DGCR2: variants seen among roughly 807,000 people sequenced by gnomAD.
DGCR2 encodes integral membrane protein DGCR2/IDD.
In DGCR2, 24 loss-of-function variants were observed where a neutral mutation model predicts 51.6. The ratio of observed to expected loss-of-function variants is 0.47; its 90% CI spans 0.34 to 0.65. DGCR2 has a LOEUF of 0.65. DGCR2 is among the 30% of genes least tolerant of loss of function. The probability of loss-of-function intolerance (pLI) is 0.01; values close to 1 mark genes in which losing one functional copy is unlikely to be tolerated. For synonymous variants in DGCR2, 340 were observed against 315.4 expected, an observed-to-expected ratio of 1.08 and a Z score of -0.82; for missense variants, 765 against 772.1, an observed-to-expected ratio of 0.99 and a Z score of 0.11.
At chr22:19,092,286 G>GCAA (rs2083087166) in intron 1 of DGCR2, among the ~76,000 whole-genome samples, 1 of 151,840 alleles carries the variant, frequency 6.6e-6, no homozygotes, top group South Asian at 2.1e-4. Flanking sequence ...AGAGGTTACA[G>GCAA]GAAGCCAAGA....
At chr22:19,081,309 T>C (rs974866842) in intron 2 of DGCR2, among the ~76,000 whole-genome samples, 4 of 152,254 alleles carry the variant, frequency 2.6e-5, no homozygotes, top group East Asian at 1.9e-4. Context: ...TAGAATTTTG[T>C]GTATCACTGC....
chr22:19,060,832 A>C (rs761287111), intron 5 of DGCR2: 5 of 511,620 alleles, frequency 9.8e-6, no homozygotes, highest in East Asian at 1.1e-4. Context: ...GCGCCTGGAG[A>C]GCGCTCCACC....
chr22:19,057,253 C>T lies in DGCR2; in HGVS notation c.626-91G>A. On this transcript the variant is annotated intron_variant, in intron 5 of 9. Transcript: ENST00000263196. This position sits in a 1 kb window ranked among gnomAD's most constrained non-coding sequence, Gnocchi z 5.1. The stretch of plus-strand genomic sequence containing the variant: ...AGGGGACCATGGCGTCAGACAGGAT[C>T]ATCAACCACAGGGCCTGGACCGCCA... 1 of 1,355,232 alleles carries T rather than the reference C, an allele frequency of 7.4e-7. No homozygotes were observed. The allele number at this position is 1,355,232 out of a possible 1,614,324, so 84.0% of individuals were successfully genotyped here.
chr22:19,096,520 T>A (rs758815995), intron 1 of DGCR2, among the ~76,000 whole-genome samples: 1 of 152,172 alleles, frequency 6.6e-6, no homozygotes, highest in African/African-American at 2.4e-5. Flanking sequence ...TACCATGATT[T>A]GATCATTACA....
intron 1 of DGCR2, among the ~76,000 whole-genome samples, chr22:19,114,151 GGA>G (rs1569091516): frequency 2.7e-5 from 3 of 113,072 alleles, no homozygotes; most frequent in South Asian, 5.0e-4. Context: ...TGTTACCAAA[GGA>G]AAAAAAAAAA....
At chr22:19,089,605 A>C in intron 1 of DGCR2, 115 bp from the exon 2 acceptor site, 2 of 1,204,244 alleles carry the variant, frequency 1.7e-6, no homozygotes, top group Non-Finnish European at 2.2e-6. Flanking sequence ...TTTGAGACAG[A>C]GTCTCATTCT....
intron 6 of DGCR2, among the ~76,000 whole-genome samples, chr22:19,049,928 T>C (rs111908241): frequency 0.038 from 5,561 of 147,444 alleles, 301 homozygotes; most frequent in African/African-American, 0.13. Flanking sequence ...CTGGCTAAAA[T>C]AGAGAAAAAA....
intron 6 of DGCR2, among the ~76,000 whole-genome samples, chr22:19,049,551 G>A (rs2082526587): frequency 6.6e-6 from 1 of 152,170 alleles, no homozygotes; most frequent in Non-Finnish European, 1.5e-5. Flanking sequence ...AGTCAGCTGG[G>A]CGCGGTGGCT....
At chr22:19,055,340 A>G (rs2082589789) in intron 6 of DGCR2, among the ~76,000 whole-genome samples, 1 of 152,146 alleles carries the variant, frequency 6.6e-6, no homozygotes, top group African/African-American at 2.4e-5. Flanking sequence ...ATTCCCAGCA[A>G]CCTAGGAATA....
At chr22:19,055,718 C>G (rs1279182555) in intron 6 of DGCR2, 1 of 152,212 alleles carries the variant, frequency 6.6e-6, no homozygotes, top group African/African-American at 2.4e-5. Flanking sequence ...AAGAACAAGG[C>G]AGAGGAAGTC....
intron 1 of DGCR2, among the ~76,000 whole-genome samples, chr22:19,105,077 C>A (rs1417635020): frequency 1.3e-5 from 2 of 152,194 alleles, no homozygotes; most frequent in Non-Finnish European, 2.9e-5. Context: ...AATCCCAGCA[C>A]TTTGAGAGGC....
intron 1 of DGCR2, among the ~76,000 whole-genome samples, chr22:19,116,394 G>A (rs984446868): frequency 6.6e-6 from 1 of 152,214 alleles, no homozygotes. Context: ...GACTGGCTTT[G>A]ACTAAACTTC....
At chr22:19,115,618 C>T (rs2083365491) in intron 1 of DGCR2, among the ~76,000 whole-genome samples, 2 of 152,222 alleles carry the variant, frequency 1.3e-5, no homozygotes, top group Admixed American at 1.3e-4. Context: ...TGCATTTGTT[C>T]AATAACTGAT....
chr22:19,078,342 T>C (rs147751803), intron 2 of DGCR2, among the ~76,000 whole-genome samples: 185 of 152,290 alleles, frequency 1.2e-3, no homozygotes, highest in African/African-American at 4.1e-3. Flanking sequence ...ATGGAATTAT[T>C]TTCTTAATTT....
intron 5 of DGCR2, among the ~76,000 whole-genome samples, chr22:19,058,134 C>T (rs1453220303): frequency 6.6e-6 from 1 of 152,200 alleles, no homozygotes; most frequent in Non-Finnish European, 1.5e-5. Context: ...ATACCCAGCA[C>T]GAAACATGGG....
chr22:19,115,660 C>G (rs184697666), intron 1 of DGCR2, among the ~76,000 whole-genome samples: 29 of 152,268 alleles, frequency 1.9e-4, no homozygotes, highest in Non-Finnish European at 3.2e-4. Context: ...CTGACCAGGC[C>G]CAGGTGACAG....
At chr22:19,049,336 CAG>C (rs545646190) in intron 6 of DGCR2, among the ~76,000 whole-genome samples, 98 of 152,206 alleles carry the variant, frequency 6.4e-4, no homozygotes, top group African/African-American at 2.2e-3. Context: ...GCTAAAAACC[CAG>C]AGTCTTCAAC....
intron 7 of DGCR2, chr22:19,045,398 T>C (rs1365459829): frequency 6.6e-6 from 1 of 152,240 alleles, no homozygotes; most frequent in Middle Eastern, 3.2e-3. Context: ...CACCTGATTA[T>C]ACGTAGTGTG....
intron 5 of DGCR2, among the ~76,000 whole-genome samples, chr22:19,062,790 CT>C (rs1181043150): frequency 1.4e-5 from 2 of 145,582 alleles, no homozygotes; most frequent in South Asian, 2.2e-4. Context: ...CTCTCTCTCT[CT>C]CTCTCTCTCT....
Sources: allele counts gnomAD v4.1 joint callset (sites outside exome capture counted in the v4.1 genomes callset), GRCh38; gene constraint gnomAD v4.1.1; non-coding constraint Gnocchi (gnomAD v3.1); transcripts MANE v1.5; gene names NCBI Gene and HGNC (gene_info 2026-07-23, HGNC 2026-07-21).